The following SNX25 variants were observed in gnomAD, a reference collection of about 807,000 sequenced individuals.
SNX25 encodes the protein sorting nexin-25.
A neutral mutation model predicts 113.7 loss-of-function variants in SNX25; 62 were observed. That is an observed-to-expected ratio of 0.55 (90% confidence interval 0.44 to 0.67). The LOEUF (loss-of-function observed/expected upper bound fraction) is 0.67, where lower values mean the gene tolerates loss of function less well. Among genes scored for constraint, SNX25 ranks in the 30% least tolerant of loss-of-function variants. The pLI, the probability that SNX25 is intolerant of heterozygous loss-of-function variation, is 0.00. For missense variants in SNX25, 1,014 were observed against 1,161.0 expected, an observed-to-expected ratio of 0.87 and a Z score of 1.84; for synonymous variants, 421 against 436.2, an observed-to-expected ratio of 0.97 and a Z score of 0.43.
chr4:185,282,627 G>A (rs1034087324), intron 5 of SNX25, among the ~76,000 whole-genome samples: 1 of 152,232 alleles, frequency 6.6e-6, no homozygotes, highest in Non-Finnish European at 1.5e-5. Context: ...CTGAGGAGCA[G>A]ATGGCAGTTA....
upstream of SNX25, among the ~76,000 whole-genome samples, chr4:185,208,723 C>CAAA (rs372433088): frequency 6.8e-6 from 1 of 146,250 alleles, no homozygotes; most frequent in Non-Finnish European, 1.5e-5. Flanking sequence ...GACTCCGTCT[C>CAAA]AAAAAAAAAG....
intron 5 of SNX25, among the ~76,000 whole-genome samples, chr4:185,280,886 G>T (rs1361341088): frequency 2.0e-5 from 3 of 152,158 alleles, no homozygotes; most frequent in Admixed American, 6.5e-5. Context: ...GCAGTTATGG[G>T]GTTTCTGGAC....
At chr4:185,309,192 A>G (rs530865506) in intron 6 of SNX25, among the ~76,000 whole-genome samples, 11 of 152,254 alleles carry the variant, frequency 7.2e-5, no homozygotes, top group African/African-American at 2.4e-4. Context: ...CTCTCCATAT[A>G]GATCTCTCCA....
intron 1 of SNX25, among the ~76,000 whole-genome samples, chr4:185,243,516 T>C (rs747425579): frequency 6.6e-6 from 1 of 152,028 alleles, no homozygotes; most frequent in Non-Finnish European, 1.5e-5. Flanking sequence ...GGGGGAAGGA[T>C]TGCTTGAGCC....
intron 6 of SNX25, among the ~76,000 whole-genome samples, chr4:185,307,650 A>G (rs916080666): frequency 1.3e-5 from 2 of 152,148 alleles, no homozygotes; most frequent in Non-Finnish European, 2.9e-5. Context: ...CTCATATCCA[A>G]TGTCCACCTG....
downstream of SNX25, among the ~76,000 whole-genome samples, chr4:185,371,540 TAAAAA>T (rs11288148): frequency 2.6e-5 from 2 of 78,300 alleles, no homozygotes; most frequent in Non-Finnish European, 4.9e-5. Flanking sequence ...AGACTCCGTC[TAAAAA>T]AAAAAAAAAA....
intron 6 of SNX25, among the ~76,000 whole-genome samples, chr4:185,297,719 T>G (rs1753032254): frequency 6.6e-6 from 1 of 152,190 alleles, no homozygotes; most frequent in Non-Finnish European, 1.5e-5. Context: ...CCTTGCTATA[T>G]CCTCACGTGG....
chr4:185,241,599 A>G (rs542341971), intron 1 of SNX25, among the ~76,000 whole-genome samples: 1 of 107,682 alleles, frequency 9.3e-6, no homozygotes, highest in South Asian at 3.0e-4. Flanking sequence ...GGACAGGTGT[A>G]TTTTTTTTTT....
chr4:185,357,520 C>T lies in SNX25; in HGVS notation c.2585-151C>T. Reference sequence around the variant, plus strand: ...GCCTAGTCAGAAGAGTTTTCCTGACCTAAACCCAAATTCTGCAGATGTCAT... The same window carrying T: ...GCCTAGTCAGAAGAGTTTTCCTGACTTAAACCCAAATTCTGCAGATGTCAT... On this transcript the variant is annotated intron_variant, in intron 15 of 18. Transcript: ENST00000652585. The T allele has an allele frequency of 4.6e-6, 3 of 656,654 alleles. No homozygotes were observed. In the Middle Eastern group the frequency reaches 7.6e-4, roughly 165 times the overall value. The allele number at this position is 656,654 out of a possible 1,614,324, so 40.7% of individuals were successfully genotyped here. A position where few individuals can be genotyped will look rare whatever the true frequency, so the allele number is the denominator to read the frequency against.
chr4:185,365,975 A>G (rs1167899186), downstream of SNX25: 1 of 152,208 alleles, frequency 6.6e-6, no homozygotes, highest in African/African-American at 2.4e-5. Context: ...CTTAGTGACT[A>G]TCACCTCCAT....
intron 10 of SNX25, 96 bp from the exon 11 acceptor site, chr4:185,339,283 G>A (rs1451679398): frequency 8.5e-7 from 1 of 1,169,740 alleles, no homozygotes; most frequent in Non-Finnish European, 1.2e-6. Context: ...TCGAAACACA[G>A]CTGATTATTG....
intron 3 of SNX25, among the ~76,000 whole-genome samples, chr4:185,264,025 A>G (rs944629789): frequency 2.0e-5 from 3 of 152,140 alleles, no homozygotes; most frequent in East Asian, 1.9e-4. Context: ...TTTTTATCCT[A>G]TTATCTCCCA....
chr4:185,249,411 T>C (rs561601913), intron 2 of SNX25, among the ~76,000 whole-genome samples: 10 of 152,326 alleles, frequency 6.6e-5, no homozygotes, highest in African/African-American at 2.2e-4. Flanking sequence ...TCATGTGTTA[T>C]TGACAATTTT....
chr4:185,353,346 G>A (rs2095324904), intron 14 of SNX25, 139 bp from the exon 15 acceptor site: 4 of 624,016 alleles, frequency 6.4e-6, no homozygotes, highest in Non-Finnish European at 8.5e-6. Flanking sequence ...GTTGAAAATG[G>A]TAGTTTCTGC....
At chr4:185,282,509 G>A (rs75621560) in intron 5 of SNX25, among the ~76,000 whole-genome samples, 2,406 of 152,252 alleles carry the variant, frequency 0.016, 73 homozygotes, top group African/African-American at 0.055. Context: ...TTGAAGTGCT[G>A]CGTAGCATTT....
chr4:185,378,352 G>A, the SNX25 span: 153 of 1,431,298 alleles, frequency 1.1e-4, 1 homozygote, highest in South Asian at 6.1e-4. Context: ...ACTCCAGGAC[G>A]TGAACATTCT....
chr4:185,322,512 C>A (rs2095128491), intron 8 of SNX25, among the ~76,000 whole-genome samples: 1 of 152,150 alleles, frequency 6.6e-6, no homozygotes, highest in African/African-American at 2.4e-5. Context: ...AATAGACTGC[C>A]AAATATATTG....
At chr4:185,283,471 A>G (rs753404672) in intron 5 of SNX25, among the ~76,000 whole-genome samples, 4 of 152,236 alleles carry the variant, frequency 2.6e-5, no homozygotes, top group Non-Finnish European at 5.9e-5. Flanking sequence ...GAGTGTGTTC[A>G]TGGTATCACG....
chr4:185,315,028 A>T (rs1212677021), intron 7 of SNX25, among the ~76,000 whole-genome samples: 1 of 151,746 alleles, frequency 6.6e-6, no homozygotes, highest in Non-Finnish European at 1.5e-5. Context: ...GGAGATCGAG[A>T]CCATCCTGGC....
Sources: allele counts gnomAD v4.1 joint callset (sites outside exome capture counted in the v4.1 genomes callset), GRCh38; gene constraint gnomAD v4.1.1; transcripts MANE v1.5; gene names NCBI Gene and HGNC (gene_info 2026-07-23, HGNC 2026-07-21).